RAPGEF6: variants seen among roughly 807,000 people sequenced by gnomAD.
RAPGEF6 encodes Rap guanine nucleotide exchange factor 6.
In RAPGEF6, 56 loss-of-function variants were observed where a neutral mutation model predicts 171.4. The observed-to-expected ratio is 0.33, with a 90% CI of 0.26 to 0.41. The LOEUF is 0.41. RAPGEF6 is among the 10% of genes least tolerant of loss of function. The pLI, the probability that RAPGEF6 is intolerant of heterozygous loss-of-function variation, is 1.00. For synonymous variants in RAPGEF6, 692 were observed against 650.1 expected (o/e 1.06, Z -0.98); for missense variants, 1,674 against 1,921.4 (o/e 0.87, Z 2.41).
At chr5:131,463,616 A>G in intron 18 of RAPGEF6, 2 of 659,616 alleles carry the variant, frequency 3.0e-6, no homozygotes, top group Non-Finnish European at 3.7e-6. Context: ...GAACAAATGT[A>G]CTACAGAAAT....
At chr5:131,436,062 G>A (rs1468389297) in intron 24 of RAPGEF6, 4 of 1,537,628 alleles carry the variant, frequency 2.6e-6, no homozygotes, top group African/African-American at 2.7e-5. Context: ...CATCTTTGAT[G>A]TTGCTTCCAA....
At chr5:131,567,185 CT>C (rs1561568687) in intron 4 of RAPGEF6, among the ~76,000 whole-genome samples, 1 of 150,830 alleles carries the variant, frequency 6.6e-6, no homozygotes, top group Admixed American at 6.6e-5. Flanking sequence ...AAATTTGTAT[CT>C]TTTTTTTCAT....
chr5:131,634,406 C>T (rs1766501694), intron 1 of RAPGEF6, among the ~76,000 whole-genome samples: 1 of 152,224 alleles, frequency 6.6e-6, no homozygotes, highest in Non-Finnish European at 1.5e-5. Context: ...GTACAAAATA[C>T]TGTAAAATTT....
intron 1 of RAPGEF6, among the ~76,000 whole-genome samples, chr5:131,620,651 C>T (rs1174352311): frequency 1.3e-5 from 2 of 151,078 alleles, no homozygotes; most frequent in Non-Finnish European, 2.9e-5. Context: ...AGTGCAGTGG[C>T]TGAATCTCAG....
At chr5:131,560,717 A>G (rs994314566) in intron 5 of RAPGEF6, among the ~76,000 whole-genome samples, 2 of 152,368 alleles carry the variant, frequency 1.3e-5, no homozygotes. Flanking sequence ...CTTACTATGC[A>G]GGCAGTACTC....
At chr5:131,514,285 G>C (rs568772347) in intron 7 of RAPGEF6, among the ~76,000 whole-genome samples, 57 of 152,132 alleles carry the variant, frequency 3.7e-4, no homozygotes, top group Non-Finnish European at 6.5e-4. Context: ...CCAACTCCTT[G>C]ATTAAACAAA....
chr5:131,555,886 T>C (rs1761206044), intron 5 of RAPGEF6, among the ~76,000 whole-genome samples: 2 of 152,194 alleles, frequency 1.3e-5, no homozygotes, highest in African/African-American at 2.4e-5. Context: ...GTGAACATCA[T>C]AGAGTGCACT....
At chr5:131,529,101 TC>T in intron 6 of RAPGEF6, among the ~76,000 whole-genome samples, 1 of 144,224 alleles carries the variant, frequency 6.9e-6, no homozygotes, top group African/African-American at 2.6e-5. Flanking sequence ...TAAGTCAACC[TC>T]CTGAAAGAAA....
chr5:131,606,431 G>A (rs1764591672), intron 1 of RAPGEF6, among the ~76,000 whole-genome samples: 1 of 150,420 alleles, frequency 6.6e-6, no homozygotes, highest in South Asian at 2.1e-4. Flanking sequence ...TAACCACAGT[G>A]AATTGAACAA....
intron 8 of RAPGEF6, among the ~76,000 whole-genome samples, chr5:131,509,579 T>C (rs1266814287): frequency 6.6e-6 from 1 of 151,854 alleles, no homozygotes. Flanking sequence ...AACATACATA[T>C]ATTTAAGCTA....
Position 131,424,448 on chromosome 5 carries a change from A to C in RAPGEF6, c.*2818T>G, listed in dbSNP as rs1333864412. ...CACCTTTTTTAGAAACTTAAAATTG[A>C]ATCAAAATAATCAGTTTTAAGGAAG... is the stretch of plus-strand genomic sequence containing the variant. On this transcript the variant is annotated 3_prime_UTR_variant, in exon 28 of 28. Transcript: ENST00000509018. 1 of 152,356 alleles carries C rather than the reference A, an allele frequency of 6.6e-6. No homozygotes were observed. Among genetic ancestry groups the C allele is most frequent in the African/African-American group, 2.4e-5 (1 of 41,452 alleles). The allele number at this position is 152,356 out of a possible 1,614,324, so 9.4% of individuals were successfully genotyped here.
intron 7 of RAPGEF6, among the ~76,000 whole-genome samples, chr5:131,516,045 CCTTTTTTTTTTTTTTTTTTTTTTTTTTT>C (rs1758051137): frequency 2.1e-5 from 2 of 94,350 alleles, no homozygotes; most frequent in African/African-American, 8.2e-5. Context: ...CAGATGATAT[CCTTTTTTTTTTTTTTTTTTTTTTTTTTT>C]TTTTTTTTTT....
At chr5:131,504,461 CAA>C (rs577424552) in intron 11 of RAPGEF6, among the ~76,000 whole-genome samples, 163 bp downstream of exon 11, 4 of 113,804 alleles carry the variant, frequency 3.5e-5, no homozygotes, top group African/African-American at 3.3e-5. Context: ...GACTCCATCA[CAA>C]AAAAAAAAAA....
chr5:131,580,667 T>C (rs921156101), intron 4 of RAPGEF6, among the ~76,000 whole-genome samples: 2 of 152,222 alleles, frequency 1.3e-5, no homozygotes, highest in African/African-American at 4.8e-5. Flanking sequence ...CTCTACGCAG[T>C]TGCAACATCA....
chr5:131,432,133 AAAAAG>A (rs889244651), intron 25 of RAPGEF6, among the ~76,000 whole-genome samples: 7 of 152,138 alleles, frequency 4.6e-5, no homozygotes, highest in South Asian at 2.1e-4. Context: ...TAAAAGGTTA[AAAAAG>A]AAAAGAAAAC....
At chr5:131,452,224 A>AC (rs898536726) in intron 21 of RAPGEF6, among the ~76,000 whole-genome samples, 2 of 151,812 alleles carry the variant, frequency 1.3e-5, no homozygotes, top group Non-Finnish European at 2.9e-5. Flanking sequence ...CGTCTCAAAA[A>AC]AAAAAAAAAA....
At chr5:131,430,505 G>T (rs1313055632) in intron 26 of RAPGEF6, among the ~76,000 whole-genome samples, 2 of 152,074 alleles carry the variant, frequency 1.3e-5, no homozygotes, top group East Asian at 3.8e-4. Flanking sequence ...ACCAATTGTG[G>T]TCCAAACAAT....
chr5:131,525,489 C>A (rs1041806805), intron 6 of RAPGEF6, among the ~76,000 whole-genome samples: 2 of 151,852 alleles, frequency 1.3e-5, no homozygotes, highest in African/African-American at 4.8e-5. Context: ...TATATGAAAA[C>A]CTGTGGGATA....
intron 9 of RAPGEF6, among the ~76,000 whole-genome samples, chr5:131,506,707 C>G (rs1757393465): frequency 6.6e-6 from 1 of 151,964 alleles, no homozygotes; most frequent in African/African-American, 2.4e-5. Flanking sequence ...CCACTATATC[C>G]CCGTATCTAG....
Sources: allele counts gnomAD v4.1 joint callset (sites outside exome capture counted in the v4.1 genomes callset), GRCh38; gene constraint gnomAD v4.1.1; transcripts MANE v1.5; gene names NCBI Gene and HGNC (gene_info 2026-07-23, HGNC 2026-07-21).